MAP4K5: variants seen among roughly 807,000 people sequenced by gnomAD.
MAP4K5 encodes MAPK/ERK kinase kinase kinase 5.
In MAP4K5, 82 loss-of-function variants were observed where a neutral mutation model predicts 135.6. The observed-to-expected ratio is 0.60, with a 90% CI of 0.51 to 0.73. The LOEUF (loss-of-function observed/expected upper bound fraction) is 0.73. Among genes scored for constraint, MAP4K5 ranks in the 30% least tolerant of loss-of-function variants. MAP4K5 has a pLI of 0.00. For synonymous variants in MAP4K5, 347 were observed against 335.0 expected, an observed-to-expected ratio of 1.04 and a Z score of -0.39; for missense variants, 907 against 1,010.9, an observed-to-expected ratio of 0.90 and a Z score of 1.39.
intron 28 of MAP4K5, among the ~76,000 whole-genome samples, chr14:50,429,887 T>C (rs565080872): frequency 2.0e-5 from 3 of 152,338 alleles, no homozygotes; most frequent in East Asian, 3.9e-4. Context: ...CATCTGCTGA[T>C]AGATGTAATA....
chr14:50,438,041 A>G, intron 24 of MAP4K5, 33 bp from the exon 25 acceptor site: 2 of 1,131,302 alleles, frequency 1.8e-6, no homozygotes, highest in Non-Finnish European at 2.7e-6. Context: ...CTTTTTGAGA[A>G]TCATTTACAG....
rs528561828 is a variant in MAP4K5 at position 50,470,014 on chromosome 14, A to G, written c.543-1232T>C. 4.8e-3 allele frequency among the ~76,000 whole-genome samples: 725 copies of G among 152,340 alleles called. 2 individuals carry two copies. Among genetic ancestry groups the G allele is most frequent in the Non-Finnish European group, 7.2e-3 (492 of 68,024 alleles). On this transcript the variant is annotated intron_variant, in intron 9 of 32. Transcript: ENST00000682126. Reference sequence around the variant, plus strand: ...TGTACTATATGCAAGTGCTACATACATAACAATGGATATAGGAGTAAGGAG... The same window carrying G: ...TGTACTATATGCAAGTGCTACATACGTAACAATGGATATAGGAGTAAGGAG...
intron 4 of MAP4K5, 46 bp downstream of exon 4, chr14:50,486,058 A>C (rs2037356150): frequency 1.4e-6 from 1 of 735,270 alleles, no homozygotes; most frequent in Non-Finnish European, 2.3e-6. Flanking sequence ...GTAGTAGCAA[A>C]GAATATATAA....
chr14:50,523,829 T>G (rs936760977), intron 2 of MAP4K5, among the ~76,000 whole-genome samples: 1 of 152,198 alleles, frequency 6.6e-6, no homozygotes, highest in Admixed American at 6.5e-5. Flanking sequence ...AGGCCTTCTA[T>G]AAGTATTTGT....
chr14:50,528,558 A>T (rs1390499006), intron 2 of MAP4K5, among the ~76,000 whole-genome samples: 27 of 141,814 alleles, frequency 1.9e-4, no homozygotes, highest in East Asian at 4.0e-4. Flanking sequence ...TCTTTACATT[A>T]AAAAAAAAAA....
At chr14:50,455,836 C>T (rs950979473) in intron 14 of MAP4K5, among the ~76,000 whole-genome samples, 1 of 151,980 alleles carries the variant, frequency 6.6e-6, no homozygotes, top group Non-Finnish European at 1.5e-5. Flanking sequence ...AGGCAATAAA[C>T]CAGAGAACTA....
At chr14:50,508,776 G>C (rs2037867295) in intron 2 of MAP4K5, among the ~76,000 whole-genome samples, 1 of 152,038 alleles carries the variant, frequency 6.6e-6, no homozygotes, top group Admixed American at 6.5e-5. Flanking sequence ...CTTTGACACT[G>C]TTGGTGGGAG....
At chr14:50,482,548 G>A in intron 5 of MAP4K5, 132 bp from the exon 6 acceptor site, 1 of 575,942 alleles carries the variant, frequency 1.7e-6, no homozygotes, top group Non-Finnish European at 3.0e-6. Flanking sequence ...GGAGGCCAAG[G>A]CAGGCGGATC....
chr14:50,434,518 T>A lies in MAP4K5; in HGVS notation c.2040A>T (p.Ile680=). Residue 680 remains isoleucine, a synonymous_variant, in exon 28 of 33, where the codon ATA becomes ATT. Transcript: ENST00000682126. ...AGACCATAGGGTATTCCTGTTCAGG[T>A]ATCACCAGCATTTCAAAAACATTCA... ...SPLNVFEMLV[I]PEQEYPMVCV... 6.2e-7 allele frequency: 1 copy of A among 1,605,336 alleles called. No individual in the cohort carries two copies. Among genetic ancestry groups the A allele is most frequent in the African/African-American group, 1.3e-5 (1 of 74,924 alleles).
At chr14:50,535,009 G>A (rs7160298), upstream of MAP4K5, among the ~76,000 whole-genome samples, 151,367 of 152,368 alleles carry the variant, frequency 0.99, 75,199 homozygotes, top group Middle Eastern at 1. Context: ...AAACCACCCA[G>A]TTTCATATGA....
chr14:50,522,056 T>A (rs1412888691), intron 2 of MAP4K5, among the ~76,000 whole-genome samples: 2 of 152,192 alleles, frequency 1.3e-5, no homozygotes. Context: ...AATGTTAGTT[T>A]ACAAGTGAAA....
intron 14 of MAP4K5, among the ~76,000 whole-genome samples, chr14:50,450,923 T>A (rs2036470162): frequency 6.6e-6 from 1 of 152,114 alleles, no homozygotes; most frequent in South Asian, 2.1e-4. Flanking sequence ...ATAGGAACCA[T>A]AACCAGTTGA....
chr14:50,498,257 A>G (rs1460180929), intron 3 of MAP4K5, among the ~76,000 whole-genome samples: 1 of 152,300 alleles, frequency 6.6e-6, no homozygotes, highest in South Asian at 2.1e-4. Context: ...AAAACTCACA[A>G]TGGTATCACT....
intron 30 of MAP4K5, 84 bp downstream of exon 30, chr14:50,428,578 C>T: frequency 1.4e-6 from 1 of 738,858 alleles, no homozygotes; most frequent in African/African-American, 1.8e-5. Flanking sequence ...TGAGACAGTG[C>T]TGGTCTAGAC....
intron 1 of MAP4K5, among the ~76,000 whole-genome samples, chr14:50,544,032 A>T (rs1373528664): frequency 6.6e-6 from 1 of 152,232 alleles, no homozygotes; most frequent in Non-Finnish European, 1.5e-5. Context: ...TCTAACTACC[A>T]TGGGGAAATT....
chr14:50,448,892 T>C, intron 14 of MAP4K5, 60 bp from the exon 15 acceptor site: 1 of 824,288 alleles, frequency 1.2e-6, no homozygotes, highest in Non-Finnish European at 2.0e-6. Context: ...ATCTCAGAAA[T>C]GTAATGACAA....
At chr14:50,433,763 A>G (rs1408269980) in intron 28 of MAP4K5, among the ~76,000 whole-genome samples, 1 of 152,226 alleles carries the variant, frequency 6.6e-6, no homozygotes, top group African/African-American at 2.4e-5. Context: ...ATAAACCTGG[A>G]TTATAAATGA....
At chr14:50,434,299 G>C (rs1287364803) in intron 28 of MAP4K5, 95 bp downstream of exon 28, 4 of 847,962 alleles carry the variant, frequency 4.7e-6, no homozygotes, top group Non-Finnish European at 7.2e-6. Context: ...ATTTAAAAGA[G>C]CCCACACTGG....
chr14:50,518,406 CCAA>C (rs2038078204), intron 2 of MAP4K5, among the ~76,000 whole-genome samples: 1 of 152,188 alleles, frequency 6.6e-6, no homozygotes, highest in Admixed American at 6.5e-5. Context: ...CCCCCCACCA[CCAA>C]CAAGCCCTAG....
Sources: allele counts gnomAD v4.1 joint callset (sites outside exome capture counted in the v4.1 genomes callset), GRCh38; gene constraint gnomAD v4.1.1; transcripts MANE v1.5; gene names NCBI Gene and HGNC (gene_info 2026-07-23, HGNC 2026-07-21).